The following PRELID2 variants were observed in gnomAD, a reference collection of about 807,000 sequenced individuals.
The protein encoded by PRELID2 is PRELI domain containing 2.
PRELID2 carries 25 observed loss-of-function variants against 28.4 expected under a neutral mutation model. The observed-to-expected ratio is 0.88, with a 90% confidence interval of 0.64 to 1.23. The LOEUF is 1.23. Ranked by LOEUF, PRELID2 falls within the 50% of genes most tolerant of loss-of-function variation. The pLI is 0.00. For synonymous variants in PRELID2, 76 were observed against 71.6 expected (o/e 1.06, Z -0.31); for missense variants, 201 against 214.4 (o/e 0.94, Z 0.39).
chr5:145,445,562 G>A, the PRELID2 span, among the ~76,000 whole-genome samples: 1 of 151,804 alleles, frequency 6.6e-6, no homozygotes, highest in East Asian at 1.9e-4. Context: ...TGCAGCAAAG[G>A]GAACAATGAA....
intron 1 of PRELID2, among the ~76,000 whole-genome samples, chr5:145,588,431 C>T (rs1323380810): frequency 6.6e-6 from 1 of 152,090 alleles, no homozygotes; most frequent in Non-Finnish European, 1.5e-5. Context: ...TGTAATCAAT[C>T]TGACTGCTTT....
At chr5:145,358,415 TG>T in the PRELID2 span, among the ~76,000 whole-genome samples, 1 of 151,964 alleles carries the variant, frequency 6.6e-6, no homozygotes, top group Non-Finnish European at 1.5e-5. Flanking sequence ...TGGGGGTGGC[TG>T]GGGTCACCCG....
chr5:145,423,136 T>A, the PRELID2 span, among the ~76,000 whole-genome samples: 1 of 152,014 alleles, frequency 6.6e-6, no homozygotes, highest in Non-Finnish European at 1.5e-5. Context: ...CCTGTGAGGG[T>A]AACCCAACCT....
the PRELID2 span, among the ~76,000 whole-genome samples, chr5:145,359,952 G>A: frequency 2.6e-5 from 4 of 152,162 alleles, no homozygotes; most frequent in Non-Finnish European, 2.9e-5. Context: ...TGGATTGACC[G>A]TGAGGCATAA....
the PRELID2 span, among the ~76,000 whole-genome samples, chr5:145,318,204 T>G: frequency 6.6e-6 from 1 of 152,164 alleles, no homozygotes; most frequent in African/African-American, 2.4e-5. Flanking sequence ...AATATCTATG[T>G]TCTCAAAAGG....
At chr5:145,403,624 G>T in the PRELID2 span, among the ~76,000 whole-genome samples, 1 of 152,198 alleles carries the variant, frequency 6.6e-6, no homozygotes, top group Non-Finnish European at 1.5e-5. Context: ...GTTTATATTG[G>T]GTTTGCTATG....
chr5:145,629,006 C>T (rs532857773), intron 1 of PRELID2, among the ~76,000 whole-genome samples: 4 of 152,126 alleles, frequency 2.6e-5, no homozygotes, highest in Non-Finnish European at 5.9e-5. Context: ...ATTTGCTTCG[C>T]CTGAGCTGGC....
At chr5:145,287,596 A>G in the PRELID2 span, among the ~76,000 whole-genome samples, 1 of 152,206 alleles carries the variant, frequency 6.6e-6, no homozygotes, top group African/African-American at 2.4e-5. Context: ...AAGTAATATC[A>G]TGGATAAGGG....
intron 1 of PRELID2, among the ~76,000 whole-genome samples, chr5:145,533,648 C>A (rs1752673546): frequency 6.6e-6 from 1 of 151,966 alleles, no homozygotes; most frequent in African/African-American, 2.4e-5. Context: ...TAAGTTTTCC[C>A]AGTTGCAGGA....
intron 1 of PRELID2, among the ~76,000 whole-genome samples, chr5:145,658,535 A>G (rs1754434124): frequency 6.6e-6 from 1 of 152,186 alleles, no homozygotes; most frequent in African/African-American, 2.4e-5. Context: ...GTGATGAGTG[A>G]GTACTTGCTC....
intron 3 of PRELID2, 142 bp from the exon 4 acceptor site, chr5:145,818,196 C>G: frequency 1.2e-6 from 1 of 827,034 alleles, no homozygotes; most frequent in Non-Finnish European, 1.9e-6. Flanking sequence ...AGTGGCTGTA[C>G]GTTTTTGATA....
chr5:145,559,665 G>C (rs1752910241), intron 1 of PRELID2, among the ~76,000 whole-genome samples: 1 of 152,048 alleles, frequency 6.6e-6, no homozygotes, highest in East Asian at 1.9e-4. Context: ...CCCAGCATGA[G>C]AGCCTTTTGT....
intron 1 of PRELID2, among the ~76,000 whole-genome samples, chr5:145,639,958 T>C: frequency 6.6e-6 from 1 of 152,150 alleles, no homozygotes; most frequent in Non-Finnish European, 1.5e-5. Context: ...CATGTGTTTT[T>C]CAGTTTTGAA....
chr5:145,513,783 T>A (rs1297891595), intron 1 of PRELID2, among the ~76,000 whole-genome samples: 2 of 152,176 alleles, frequency 1.3e-5, no homozygotes, highest in Non-Finnish European at 2.9e-5. Flanking sequence ...CTCATCAGAT[T>A]AACGGTGGAT....
chr5:145,690,684 C>A (rs1246752795), intron 1 of PRELID2, among the ~76,000 whole-genome samples: 2 of 152,134 alleles, frequency 1.3e-5, no homozygotes, highest in African/African-American at 4.8e-5. Context: ...ACTGCATTTC[C>A]TTTTTTATTT....
chr5:145,767,918 G>A (rs1345562236), intron 5 of PRELID2, among the ~76,000 whole-genome samples: 1 of 152,012 alleles, frequency 6.6e-6, no homozygotes, highest in Non-Finnish European at 1.5e-5. Flanking sequence ...CTCTTAAGAG[G>A]TACCTTCCAT....
At chr5:145,400,945 A>G in the PRELID2 span, among the ~76,000 whole-genome samples, 1 of 152,108 alleles carries the variant, frequency 6.6e-6, no homozygotes, top group Non-Finnish European at 1.5e-5. Flanking sequence ...GGCAGCAGCA[A>G]AGGATGCCTC....
intron 6 of PRELID2, among the ~76,000 whole-genome samples, chr5:145,764,476 C>T (rs1469120762): frequency 2.0e-5 from 3 of 152,324 alleles, no homozygotes; most frequent in South Asian, 2.1e-4. Context: ...GGCAGTTACC[C>T]ACCATCAGTG....
chr5:145,291,335 C>CACAAAAAAAAAAAAAAAAAAAAAAAAAAA, the PRELID2 span, among the ~76,000 whole-genome samples: 35 of 57,468 alleles, frequency 6.1e-4, 2 homozygotes, highest in African/African-American at 3.4e-3. Flanking sequence ...GACTCTGTTT[C>CACAAAAAAAAAAAAAAAAAAAAAAAAAAA]AGAAAAAAAA....
Sources: gnomAD v4.1 joint callset for allele counts (sites outside exome capture counted in the v4.1 genomes callset) on GRCh38, gnomAD v4.1.1 for gene constraint, MANE v1.5 for transcripts, NCBI Gene and HGNC (gene_info 2026-07-23, HGNC 2026-07-21) for gene names.